The following SLC30A5 variants were observed in gnomAD, a reference collection of about 807,000 sequenced individuals.
SLC30A5 encodes the protein proton-coupled zinc antiporter SLC30A5.
Under a neutral mutation model 79.6 loss-of-function variants are expected in SLC30A5, and 33 were observed. That is an observed-to-expected ratio of 0.41 (90% CI 0.31 to 0.55). The LOEUF (loss-of-function observed/expected upper bound fraction) is 0.55. Ranked by LOEUF, SLC30A5 falls within the 20% of genes least tolerant of loss-of-function variation. The probability of loss-of-function intolerance (pLI) is 0.20; values close to 1 mark genes in which losing one functional copy is unlikely to be tolerated. For synonymous variants in SLC30A5, 299 were observed against 319.7 expected, an observed-to-expected ratio of 0.94 and a Z score of 0.69; for missense variants, 788 against 928.1, an observed-to-expected ratio of 0.85 and a Z score of 1.96.
intron 7 of SLC30A5, 96 bp from the exon 8 acceptor site, chr5:69,115,135 GAAAAAA>G (rs60614154): frequency 3.9e-3 from 2,102 of 538,040 alleles, no homozygotes; most frequent in Admixed American, 8.7e-3. Flanking sequence ...TGTCTCTGGG[GAAAAAA>G]AAAAAAAAAA....
In SLC30A5 at chr5:69,111,284, G is replaced by A. The variant is rs1345510596; in HGVS notation, c.448-1856G>A. Reference sequence around the variant, plus strand: ...TGAGATTACAGGTGTGAACCACCACGCCCGGACTTTTTTTTTCTTTTTCTT... The same window carrying A: ...TGAGATTACAGGTGTGAACCACCACACCCGGACTTTTTTTTTCTTTTTCTT... On this transcript the variant is annotated intron_variant, in intron 5 of 15. Transcript: ENST00000396591. 6.7e-5 allele frequency among the ~76,000 whole-genome samples: 10 copies of A among 149,840 alleles called. No individual in the cohort carries two copies. In the East Asian group the frequency reaches 1.2e-3, roughly 18 times the overall value.
At chr5:69,119,284 C>T (rs576449234) in intron 12 of SLC30A5, among the ~76,000 whole-genome samples, 2 of 151,512 alleles carry the variant, frequency 1.3e-5, no homozygotes, top group East Asian at 3.9e-4. Flanking sequence ...CTCAGCTTCC[C>T]GAGTAGCTGG....
At chr5:69,127,206 ATG>A (rs1746721153) in intron 14 of SLC30A5, among the ~76,000 whole-genome samples, 2 of 152,196 alleles carry the variant, frequency 1.3e-5, no homozygotes, top group Admixed American at 1.3e-4. Context: ...GTGCATATGA[ATG>A]TGTCCGTGTA....
intron 2 of SLC30A5, among the ~76,000 whole-genome samples, chr5:69,101,423 C>T (rs768771503): frequency 1.9e-4 from 29 of 151,640 alleles, no homozygotes; most frequent in African/African-American, 5.3e-4. Context: ...GGACTACAGG[C>T]GCTCACCACC....
Position 69,129,561 on chromosome 5 carries a change from A to G in SLC30A5, c.2242A>G (p.Met748Val). ...TACTGGATTTCATGATGTTCTGGCT[A>G]TGACAAAACAAATGGAATCCATGAA... ...LSTGFHDVLA[M>V]TKQMESMKYC... is the part of the protein sequence containing the mutation. The change falls in exon 16 of 16, where the codon ATG (methionine) becomes GTG (valine). Residue 748 changes from methionine to valine, a missense_variant. Coordinates refer to ENST00000396591, the MANE Select transcript of SLC30A5 (RefSeq NM_022902.5). The G allele has an allele frequency of 6.2e-7, 1 of 1,613,332 alleles. No homozygotes were observed. Among genetic ancestry groups the G allele is most frequent in the Non-Finnish European group, 8.5e-7 (1 of 1,179,638 alleles).
At chr5:69,122,718 T>C (rs2111993405) in intron 13 of SLC30A5, among the ~76,000 whole-genome samples, 1 of 152,338 alleles carries the variant, frequency 6.6e-6, no homozygotes, top group East Asian at 1.9e-4. Flanking sequence ...TATAATTATA[T>C]AGTCCTTTTC....
intron 1 of SLC30A5, among the ~76,000 whole-genome samples, chr5:69,095,503 A>C (rs1443515686): frequency 5.9e-5 from 9 of 152,038 alleles, no homozygotes; most frequent in Non-Finnish European, 5.9e-5. Flanking sequence ...CCCGCCCAAC[A>C]TAAGCATTTG....
At chr5:69,127,139 CTGT>C (rs1325574070) in intron 14 of SLC30A5, among the ~76,000 whole-genome samples, 1 of 152,190 alleles carries the variant, frequency 6.6e-6, no homozygotes, top group Non-Finnish European at 1.5e-5. Context: ...AACCAATCCT[CTGT>C]TGTTGAACAT....
chr5:69,100,683 G>T, intron 1 of SLC30A5, 124 bp from the exon 2 acceptor site: 2 of 696,886 alleles, frequency 2.9e-6, no homozygotes, highest in South Asian at 2.5e-5. Context: ...ACTCTGTTTT[G>T]TTTCATTTTG....
At position 69,116,220 on chromosome 5, in the gene SLC30A5, C is replaced by CG; in HGVS notation, c.1072+6_1072+7insG. ...TGCTATATTCTTCATTTTGTGTAAG[C>CG]ATTCCCCCCTTTTTTTTATTTTAAC... On this transcript the variant is annotated splice_region_variant and intron_variant, in intron 9 of 15. Coordinates refer to ENST00000396591, the MANE Select transcript of SLC30A5 (RefSeq NM_022902.5). The surrounding 1 kb of genome is among the most constrained non-coding windows in gnomAD (Gnocchi z 4.0). 1 of 1,462,814 alleles carries CG rather than the reference C, an allele frequency of 6.8e-7. No individual in the cohort carries two copies. Among genetic ancestry groups the CG allele is most frequent in the Non-Finnish European group, 9.0e-7 (1 of 1,111,874 alleles). The allele number at this position is 1,462,814 out of a possible 1,614,324, so 90.6% of individuals were successfully genotyped here.
At position 69,104,722 on chromosome 5, in the gene SLC30A5, T is replaced by C. The variant is rs1306543088; in HGVS notation, c.359+6T>C. 1.9e-6 allele frequency: 3 copies of C among 1,600,648 alleles called. No individual in the cohort carries two copies. Among genetic ancestry groups the C allele is most frequent in the Non-Finnish European group, 2.6e-6 (3 of 1,175,398 alleles). On this transcript the variant is annotated splice_donor_region_variant and intron_variant, in intron 4 of 15. Transcript: ENST00000396591. ...ACTCTTTGTGGACCACTAAGGTAAATAAAAATGCATATTTTGAATGTGTGT... is the reference window on the plus strand; with the variant it reads ...ACTCTTTGTGGACCACTAAGGTAAACAAAAATGCATATTTTGAATGTGTGT...
intron 4 of SLC30A5, among the ~76,000 whole-genome samples, chr5:69,108,111 C>A (rs1225175917): frequency 6.6e-6 from 1 of 152,152 alleles, no homozygotes; most frequent in African/African-American, 2.4e-5. Context: ...CATACCTATA[C>A]AAGAATAAGA....
chr5:69,099,400 C>T (rs1454072450), intron 1 of SLC30A5, among the ~76,000 whole-genome samples: 1 of 152,006 alleles, frequency 6.6e-6, no homozygotes, highest in African/African-American at 2.4e-5. Flanking sequence ...CTTGTTTTTC[C>T]TAAAAACATG....
intron 4 of SLC30A5, among the ~76,000 whole-genome samples, chr5:69,105,165 C>G (rs1339313615): frequency 6.6e-6 from 1 of 152,144 alleles, no homozygotes; most frequent in African/African-American, 2.4e-5. Context: ...TATCAATTAT[C>G]AGATTAAATG....
At chr5:69,119,032 C>T in intron 12 of SLC30A5, among the ~76,000 whole-genome samples, 1 of 152,048 alleles carries the variant, frequency 6.6e-6, no homozygotes, top group Non-Finnish European at 1.5e-5. Context: ...AACTACTGAC[C>T]TCAAGCAATC....
rs1746277269 is a variant in SLC30A5, at chr5:69,113,177, G to A, written c.485G>A (p.Cys162Tyr). Residue 162 changes from cysteine to tyrosine, a missense_variant, in exon 6 of 16, where the codon TGT (cysteine) becomes TAT (tyrosine). Cys to Tyr is a radical substitution (Grantham distance 194, BLOSUM62 -2). Transcript: ENST00000396591. ...GAAFFIIAVICLLLFDNDDLM... is the reference protein window; with the variant it reads ...GAAFFIIAVIYLLLFDNDDLM... ...GCTTTTTTCATTATTGCTGTGATCT[G>A]TTTATTGCTTTTTGACAATGATGAT... The A allele has an allele frequency of 6.8e-6, 11 of 1,613,342 alleles. No individual in the cohort carries two copies. Among genetic ancestry groups the A allele is most frequent in the Non-Finnish European group, 9.3e-6 (11 of 1,179,772 alleles).
At chr5:69,128,576 GTA>G (rs1160626495) in intron 15 of SLC30A5, among the ~76,000 whole-genome samples, 1 of 151,922 alleles carries the variant, frequency 6.6e-6, no homozygotes, top group African/African-American at 2.4e-5. Context: ...TTCCAAATCT[GTA>G]ACGGTAATAT....
intron 1 of SLC30A5, among the ~76,000 whole-genome samples, chr5:69,096,059 ACT>A (rs899788681): frequency 2.0e-5 from 3 of 152,104 alleles, no homozygotes; most frequent in Non-Finnish European, 2.9e-5. Context: ...ACAGAGCGAG[ACT>A]CTGTCTCAAA....
Position 69,094,199 on chromosome 5 carries a change from G to A in SLC30A5, c.-57G>A, listed in dbSNP as rs1745648769. ...CTGCACCCGCTGTTCCGCGGCAGCGGCGAGACATGAGGAGACCCCGCGACA... is the reference window on the plus strand; with the variant it reads ...CTGCACCCGCTGTTCCGCGGCAGCGACGAGACATGAGGAGACCCCGCGACA... On this transcript the variant is annotated 5_prime_UTR_variant, in exon 1 of 16. Coordinates refer to ENST00000396591, the MANE Select transcript of SLC30A5 (RefSeq NM_022902.5). The A allele has an allele frequency of 6.6e-6, 6 of 912,902 alleles. No homozygotes were observed. Among genetic ancestry groups the A allele is most frequent in the Non-Finnish European group, 8.8e-6 (6 of 681,618 alleles). The allele number at this position is 912,902 out of a possible 1,614,324, so 56.6% of individuals were successfully genotyped here.
Sources: allele counts gnomAD v4.1 joint callset (sites outside exome capture counted in the v4.1 genomes callset), GRCh38; gene constraint gnomAD v4.1.1; non-coding constraint Gnocchi (gnomAD v3.1); transcripts MANE v1.5; gene names NCBI Gene and HGNC (gene_info 2026-07-23, HGNC 2026-07-21).